Variants in RIMS1 observed in about 807,000 individuals in gnomAD.
The protein encoded by RIMS1 is regulating synaptic membrane exocytosis 1.
RIMS1 carries 83 observed loss-of-function variants against 214.1 expected under a neutral mutation model. The observed-to-expected ratio is 0.39, with a 90% CI of 0.32 to 0.47. The LOEUF is 0.47. Ranked by LOEUF, RIMS1 falls within the 20% of genes least tolerant of loss-of-function variation. RIMS1 has a pLI of 0.99. For missense variants in RIMS1, 2,050 were observed against 2,161.8 expected (o/e 0.95, Z 1.03); for synonymous variants, 793 against 786.8 (o/e 1.01, Z -0.13).
At chr6:72,073,661 T>G (rs1451120053) in intron 2 of RIMS1, among the ~76,000 whole-genome samples, 1 of 152,224 alleles carries the variant, frequency 6.6e-6, no homozygotes, top group Non-Finnish European at 1.5e-5. Context: ...CCAGGTCAAA[T>G]GACTATTCAA....
chr6:72,132,391 C>T (rs1229659156), intron 4 of RIMS1, among the ~76,000 whole-genome samples: 1 of 152,192 alleles, frequency 6.6e-6, no homozygotes, highest in Non-Finnish European at 1.5e-5. Flanking sequence ...GGGTCCCTGA[C>T]TTCCCACAAC....
intron 29 of RIMS1, among the ~76,000 whole-genome samples, chr6:72,383,461 A>G (rs1174346908): frequency 6.6e-6 from 1 of 151,990 alleles, no homozygotes; most frequent in East Asian, 1.9e-4. Flanking sequence ...CTGCGGTTCC[A>G]CAAAAAGAAA....
intron 2 of RIMS1, among the ~76,000 whole-genome samples, chr6:72,074,099 A>C (rs1341087069): frequency 6.6e-6 from 1 of 152,186 alleles, no homozygotes; most frequent in Non-Finnish European, 1.5e-5. Context: ...AATGGTCTGG[A>C]ACCTTTAAGT....
At position 72,400,780 on chromosome 6, in the gene RIMS1, T is replaced by TAA. The variant is rs1268696726; in HGVS notation, c.*66_*67insAA. On this transcript the variant is annotated 3_prime_UTR_variant, in exon 34 of 34. Transcript: ENST00000521978. ...CAGGATAATAATCTGAACCAGATAT[T>TAA]TCATGATCGAAAGCATTGTTGGAGA... 3 of 1,288,118 alleles carry TAA rather than the reference T, an allele frequency of 2.3e-6. No individual in the cohort carries two copies. Among genetic ancestry groups the TAA allele is most frequent in the Non-Finnish European group, 3.3e-6 (3 of 914,194 alleles). The allele number at this position is 1,288,118 out of a possible 1,614,324, so 79.8% of individuals were successfully genotyped here.
At position 72,265,392 on chromosome 6, in the gene RIMS1, C is replaced by G; in HGVS notation, c.3197C>G (p.Ser1066Ter). Residue 1066 changes from serine to a stop codon, truncating the protein, a stop_gained and splice_region_variant, in exon 21 of 34, where the codon TCA (serine) becomes TGA (stop). Transcript: ENST00000521978. LOFTEE classifies it high-confidence loss of function. ...TTGTGTAATTTTAATTTGTGGAGCT[C>G]AATTCTGCCTGCACATACTAAGACC... Reference protein sequence around the residue: ...QSSSHWNIYSSILPAHTKTKS... With the variant: ...QSSSHWNIYS The G allele has an allele frequency of 6.5e-7, 1 of 1,540,506 alleles. No individual in the cohort carries two copies.
Position 72,303,291 on chromosome 6 carries a change from T to G in RIMS1, c.3851-3967T>G, listed in dbSNP as rs564391825. On this transcript the variant is annotated intron_variant, in intron 26 of 33. Coordinates refer to ENST00000521978, the MANE Select transcript of RIMS1 (RefSeq NM_014989.7). ...AGGGTTTTTTAAAGTCATAGGCCTT[T>G]TAATAATATGAAAGGGATAGATCTA... 1.3e-3 allele frequency among the ~76,000 whole-genome samples: 198 copies of G among 150,878 alleles called. 1 individual carries two copies. The highest frequency in any genetic ancestry group is 4.5e-3 in the African/African-American group (185 of 41,482).
At chr6:72,192,050 A>G (rs1407295845) in intron 6 of RIMS1, among the ~76,000 whole-genome samples, 3 of 152,234 alleles carry the variant, frequency 2.0e-5, no homozygotes, top group African/African-American at 7.2e-5. Flanking sequence ...CAGGGAGCCA[A>G]CGTGGGGGTT....
intron 3 of RIMS1, among the ~76,000 whole-genome samples, chr6:72,097,696 T>A (rs2032219983): frequency 6.6e-6 from 1 of 152,172 alleles, no homozygotes; most frequent in Admixed American, 6.5e-5. Flanking sequence ...TTAAAGTCTA[T>A]TGAGATTTGC....
chr6:71,903,260 G>T (rs918463703), intron 1 of RIMS1, among the ~76,000 whole-genome samples: 1 of 152,104 alleles, frequency 6.6e-6, no homozygotes, highest in Non-Finnish European at 1.5e-5. Context: ...GTTTTGATTT[G>T]TGTTTCTCTA....
intron 20 of RIMS1, 78 bp from the exon 21 acceptor site, chr6:72,265,312 C>G: frequency 1.2e-6 from 1 of 811,002 alleles, no homozygotes. Context: ...GTTGCTTTGT[C>G]ATTTGTATAT....
intron 8 of RIMS1, among the ~76,000 whole-genome samples, chr6:72,236,644 A>C (rs1190179193): frequency 1.5e-4 from 23 of 152,126 alleles, no homozygotes; most frequent in Non-Finnish European, 5.9e-5. Flanking sequence ...TATATGCATT[A>C]TTTATGGTGC....
intron 29 of RIMS1, among the ~76,000 whole-genome samples, chr6:72,371,276 A>G (rs1001213383): frequency 2.0e-5 from 3 of 152,136 alleles, no homozygotes; most frequent in Non-Finnish European, 1.5e-5. Flanking sequence ...ATATGCTATC[A>G]TAGGATTAAT....
chr6:72,047,794 T>C (rs956129496), intron 2 of RIMS1, among the ~76,000 whole-genome samples: 1 of 152,198 alleles, frequency 6.6e-6, no homozygotes, highest in Non-Finnish European at 1.5e-5. Context: ...CAGAAAGTCT[T>C]TGTTAATTCT....
At chr6:72,079,000 G>C (rs1371654018) in intron 2 of RIMS1, among the ~76,000 whole-genome samples, 1 of 152,062 alleles carries the variant, frequency 6.6e-6, no homozygotes, top group Non-Finnish European at 1.5e-5. Flanking sequence ...CTAAGAAAAG[G>C]TGGAATCTAT....
intron 2 of RIMS1, among the ~76,000 whole-genome samples, chr6:72,082,375 C>T (rs770533194): frequency 3.7e-4 from 56 of 152,140 alleles, no homozygotes; most frequent in Non-Finnish European, 6.5e-4. Context: ...AAGTGCTTTG[C>T]ATATACATAT....
intron 2 of RIMS1, among the ~76,000 whole-genome samples, chr6:71,996,704 C>T (rs1803534715): frequency 6.6e-6 from 1 of 152,142 alleles, no homozygotes; most frequent in African/African-American, 2.4e-5. Context: ...AGGTACACAC[C>T]AGGGGTTCTT....
At chr6:72,238,112 CAAT>C (rs2065053693) in intron 9 of RIMS1, among the ~76,000 whole-genome samples, 190 bp downstream of exon 9, 1 of 151,514 alleles carries the variant, frequency 6.6e-6, no homozygotes, top group African/African-American at 2.4e-5. Context: ...TTACCAATTG[CAAT>C]AATAAGTAAC....
intron 4 of RIMS1, among the ~76,000 whole-genome samples, chr6:72,106,884 C>T (rs991055992): frequency 2.6e-5 from 4 of 152,092 alleles, no homozygotes; most frequent in Admixed American, 1.3e-4. Context: ...GAGATTTATG[C>T]GTCATATGCA....
At chr6:71,900,518 G>A (rs1014600075) in intron 1 of RIMS1, among the ~76,000 whole-genome samples, 2 of 152,114 alleles carry the variant, frequency 1.3e-5, no homozygotes, top group African/African-American at 4.8e-5. Context: ...GAGACCAGCT[G>A]GGAGGCTACT....
Sources: allele counts gnomAD v4.1 joint callset (sites outside exome capture counted in the v4.1 genomes callset), GRCh38; gene constraint gnomAD v4.1.1; transcripts MANE v1.5; gene names NCBI Gene and HGNC (gene_info 2026-07-23, HGNC 2026-07-21).